The following TG variants were observed in gnomAD, a reference collection of about 807,000 sequenced individuals.
TG encodes thyroglobulin.
Under a neutral mutation model 324.7 loss-of-function variants are expected in TG, and 270 were observed. The ratio of observed to expected loss-of-function variants is 0.83; its 90% CI spans 0.75 to 0.92. The LOEUF (loss-of-function observed/expected upper bound fraction) is 0.92, where lower values mean the gene tolerates loss of function less well. Ranked by LOEUF, TG falls within the 40% of genes least tolerant of loss-of-function variation. The pLI is 0.00. For synonymous variants in TG, 1,401 were observed against 1,327.0 expected, an observed-to-expected ratio of 1.06 and a Z score of -1.21; for missense variants, 3,591 against 3,456.4, an observed-to-expected ratio of 1.04 and a Z score of -0.98.
At chr8:132,956,256 G>T (rs1224294715) in intron 27 of TG, among the ~76,000 whole-genome samples, 1 of 152,148 alleles carries the variant, frequency 6.6e-6, no homozygotes, top group African/African-American at 2.4e-5. Context: ...ATCATTCATT[G>T]TTTTGTTCTC....
At chr8:132,962,967 T>A in intron 28 of TG, 27 bp from the exon 29 acceptor site, 1 of 1,610,198 alleles carries the variant, frequency 6.2e-7, no homozygotes, top group Non-Finnish European at 8.5e-7. Context: ...TCCCCAACAT[T>A]GCAACAACTC....
In TG at chr8:133,042,678, C is replaced by CCTTTTTTTTTTTTTTTTTTTT. The variant is rs1554706932; in HGVS notation, c.7239+12655_7239+12656insCTTTTTTTTTTTTTTTTTTTT. 1.2e-4 allele frequency among the ~76,000 whole-genome samples: 7 copies of CCTTTTTTTTTTTTTTTTTTTT among 56,768 alleles called. 1 individual carries two copies. The highest frequency in any genetic ancestry group is 1.3e-4 in the Non-Finnish European group (4 of 30,782). 37.2% of individuals were successfully genotyped at this position (56,768 alleles called of 152,430 possible). On this transcript the variant is annotated intron_variant, in intron 41 of 47. Coordinates refer to ENST00000220616, the MANE Select transcript of TG (RefSeq NM_003235.5). ...GTGCACAATTCCTCTCATTCTGTGT[C>CCTTTTTTTTTTTTTTTTTTTT]TTTTTTTTTTTTTTTTTTTTTTTTT...
chr8:133,110,409 T>C (rs1276651722), intron 43 of TG, among the ~76,000 whole-genome samples: 2 of 152,240 alleles, frequency 1.3e-5, no homozygotes, highest in African/African-American at 4.8e-5. Context: ...TGGAACGAAC[T>C]ATTATATTTT....
chr8:132,892,358 G>GATTTAATTTAT (rs879362577), intron 10 of TG, among the ~76,000 whole-genome samples: 120 of 152,302 alleles, frequency 7.9e-4, no homozygotes, highest in South Asian at 2.3e-3. Flanking sequence ...TGCTAGCTGG[G>GATTTAATTTAT]AACTCGTTTA....
At chr8:133,041,446 G>C (rs1214708757) in intron 41 of TG, among the ~76,000 whole-genome samples, 1 of 152,226 alleles carries the variant, frequency 6.6e-6, no homozygotes, top group Non-Finnish European at 1.5e-5. Flanking sequence ...GGTGCCCTTG[G>C]AGAAATGGGA....
At chr8:132,949,078 A>G (rs560521069) in intron 27 of TG, 135 bp downstream of exon 27, 10 of 804,756 alleles carry the variant, frequency 1.2e-5, no homozygotes, top group Middle Eastern at 2.3e-4. Flanking sequence ...AACTTTACCA[A>G]TCATACTGGA....
At chr8:133,089,777 C>T (rs774704268) in intron 41 of TG, among the ~76,000 whole-genome samples, 18 of 152,172 alleles carry the variant, frequency 1.2e-4, no homozygotes, top group Non-Finnish European at 2.5e-4. Flanking sequence ...CTGTCTATAA[C>T]TCCCTTGGGT....
intron 43 of TG, among the ~76,000 whole-genome samples, chr8:133,099,707 G>A (rs1044843029): frequency 1.3e-5 from 2 of 152,100 alleles, no homozygotes; most frequent in African/African-American, 4.8e-5. Context: ...TCATCCTTCT[G>A]TACTCAGGCT....
rs1486595960 is a variant in TG at position 132,882,974 on chromosome 8, G to C, written c.1050G>C (p.Arg350=). 1 of 1,613,992 alleles carries C rather than the reference G, an allele frequency of 6.2e-7. No individual in the cohort carries two copies. Residue 350 remains arginine, a synonymous_variant, in exon 8 of 48, where the codon CGG becomes CGC. Transcript: ENST00000220616. ...AGGGGAAGGAAATGCATGGAACCCGGCAGCAAGGGGAGCCGCCATCTTGTG... is the reference window on the plus strand; with the variant it reads ...AGGGGAAGGAAATGCATGGAACCCGCCAGCAAGGGGAGCCGCCATCTTGTG... The part of the protein sequence containing the change: ...DAQGKEMHGT[R]QQGEPPSCAE...
intron 41 of TG, chr8:133,044,894 C>T (rs899920677): frequency 2.3e-6 from 3 of 1,310,576 alleles, no homozygotes; most frequent in African/African-American, 2.9e-5. Context: ...GTAAGCAAGA[C>T]CCCTCTGCAT....
intron 41 of TG, among the ~76,000 whole-genome samples, chr8:133,057,601 A>AAGTC (rs1841682047): frequency 6.6e-6 from 1 of 151,988 alleles, no homozygotes; most frequent in Non-Finnish European, 1.5e-5. Context: ...GACTCACCTA[A>AAGTC]AGTCACACAG....
At chr8:132,948,185 C>G (rs7832064) in intron 26 of TG, among the ~76,000 whole-genome samples, 1 of 151,574 alleles carries the variant, frequency 6.6e-6, no homozygotes. Context: ...TCCGTCCCCC[C>G]CCAAAAAAAG....
intron 43 of TG, chr8:133,102,466 C>T: frequency 2.5e-6 from 3 of 1,179,500 alleles, no homozygotes; most frequent in Non-Finnish European, 1.2e-6. Flanking sequence ...TCCATCAAGT[C>T]CCTCTGAAGA....
At chr8:133,112,967 T>A (rs1215335692) in intron 43 of TG, among the ~76,000 whole-genome samples, 2 of 152,176 alleles carry the variant, frequency 1.3e-5, no homozygotes, top group African/African-American at 4.8e-5. Context: ...AGCATTCATA[T>A]GATGAGTGAC....
intron 41 of TG, among the ~76,000 whole-genome samples, chr8:133,078,100 A>G (rs1845180947): frequency 6.6e-6 from 1 of 152,204 alleles, no homozygotes; most frequent in Admixed American, 6.5e-5. Flanking sequence ...TCTGGTACAC[A>G]TCTAAGAAGC....
chr8:133,030,088 T>C (rs1836486039), intron 41 of TG, 65 bp downstream of exon 41: 1 of 1,602,234 alleles, frequency 6.2e-7, no homozygotes, highest in Admixed American at 1.7e-5. Context: ...GGTTCTCCTG[T>C]GCTGCAAAAG....
At chr8:133,047,865 C>A in intron 41 of TG, 1 of 1,611,682 alleles carries the variant, frequency 6.2e-7, no homozygotes, top group Non-Finnish European at 8.5e-7. Flanking sequence ...CATGAAGGAG[C>A]CGACCTTTGT....
In TG at chr8:132,929,119, C is replaced by G. The variant is rs146574874; in HGVS notation, c.4743C>G (p.Phe1581Leu). 5 of 1,613,882 alleles carry G rather than the reference C, an allele frequency of 3.1e-6. No homozygotes were observed. Among genetic ancestry groups the G allele is most frequent in the Non-Finnish European group, 4.2e-6 (5 of 1,180,020 alleles). The change falls in exon 23 of 48, where the codon TTC becomes TTG. Residue 1581 changes from phenylalanine (F) to leucine (L), a missense_variant. By Grantham distance (22) the Phe-to-Leu change is conservative (BLOSUM62 0). Coordinates refer to ENST00000220616, the MANE Select transcript of TG (RefSeq NM_003235.5). ...FEKVPESKVI[F>L]DANAPVAVRS... ...AGGTTCCAGAATCAAAGGTGATCTT[C>G]GACGCCAATGCTCCTGTGGCTGTCA...
At chr8:133,017,664 G>T in intron 37 of TG, 114 bp from the exon 38 acceptor site, 1 of 1,002,940 alleles carries the variant, frequency 1.0e-6, no homozygotes. Context: ...ACATTTTCAA[G>T]GTGCAAAAAC....
Sources: gnomAD v4.1 joint callset for allele counts (sites outside exome capture counted in the v4.1 genomes callset) on GRCh38, gnomAD v4.1.1 for gene constraint, MANE v1.5 for transcripts, NCBI Gene and HGNC (gene_info 2026-07-23, HGNC 2026-07-21) for gene names.